SSH2: variants seen among roughly 807,000 people sequenced by gnomAD.
SSH2 encodes the protein protein phosphatase Slingshot homolog 2.
A neutral mutation model predicts 135.2 loss-of-function variants in SSH2; 37 were observed. The observed-to-expected ratio is 0.27, with a 90% CI of 0.21 to 0.36. The LOEUF is 0.36. SSH2 is among the 10% of genes least tolerant of loss of function. SSH2 has a pLI of 1.00. For missense variants in SSH2, 1,408 were observed against 1,765.3 expected (o/e 0.80, Z 3.63); for synonymous variants, 628 against 646.2 (o/e 0.97, Z 0.43).
chr17:29,902,157 A>G (rs1003028927), intron 1 of SSH2, among the ~76,000 whole-genome samples: 3 of 152,166 alleles, frequency 2.0e-5, no homozygotes, highest in Non-Finnish European at 2.9e-5. Context: ...ATGAATGTAC[A>G]CTACTTTCTG....
At position 29,683,773 on chromosome 17, in the gene SSH2, GAAA is replaced by G. The variant is rs762331303; in HGVS notation, c.479+787_479+789del. Among the ~76,000 whole-genome samples, 41 of 119,830 alleles carry G rather than the reference GAAA, an allele frequency of 3.4e-4. No homozygotes were observed. The South Asian group carries it at 0.011, about 32-fold the overall frequency. 78.6% of individuals were successfully genotyped at this position (119,830 alleles called of 152,430 possible). On this transcript the variant is annotated intron_variant, in intron 6 of 15. Coordinates refer to ENST00000540801, the MANE Select transcript of SSH2 (RefSeq NM_001282129.2). ...GAAATCTTCTCTCCAGAAAAATAAG[GAAA>G]AAAAAAAAAAAAAGACCAAATAGCT...
At chr17:29,923,158 C>G (rs2067005314) in intron 1 of SSH2, among the ~76,000 whole-genome samples, 1 of 152,182 alleles carries the variant, frequency 6.6e-6, no homozygotes, top group African/African-American at 2.4e-5. Context: ...GATCCGCCCA[C>G]CTTGGCCTCC....
chr17:29,782,198 T>A lies in SSH2; in HGVS notation c.188+11696A>T, dbSNP rs145393084. ...TGTTTCTACTTGAATAATGCCCCGT[T>A]GTTTCATATATCCAAAGTCAAACTC... On this transcript the variant is annotated intron_variant, in intron 3 of 15. Coordinates refer to ENST00000540801, the MANE Select transcript of SSH2 (RefSeq NM_001282129.2). Among the ~76,000 whole-genome samples, 149 of 152,286 alleles carry A rather than the reference T, an allele frequency of 9.8e-4. 2 individuals carry two copies. In the Middle Eastern group the frequency reaches 0.01, roughly 10 times the overall value.
At chr17:29,669,066 T>C (rs1007943722) in intron 9 of SSH2, among the ~76,000 whole-genome samples, 3 of 151,952 alleles carry the variant, frequency 2.0e-5, no homozygotes, top group Non-Finnish European at 4.4e-5. Flanking sequence ...CTAGCCAACA[T>C]GGTGAAACCC....
At chr17:29,662,341 T>C (rs1331492830) in intron 11 of SSH2, among the ~76,000 whole-genome samples, 1 of 152,208 alleles carries the variant, frequency 6.6e-6, no homozygotes, top group Admixed American at 6.5e-5. Flanking sequence ...CTGTGGGAGT[T>C]CTGCTAAGAT....
chr17:29,889,641 C>A (rs939482624), intron 1 of SSH2, among the ~76,000 whole-genome samples: 2 of 151,352 alleles, frequency 1.3e-5, no homozygotes, highest in East Asian at 3.9e-4. Flanking sequence ...AAAAGACAAC[C>A]CAGAGAATGG....
Position 29,930,138 on chromosome 17 carries a change from G to A in SSH2, c.-138C>T. 2.6e-6 allele frequency: 2 copies of A among 779,732 alleles called. No homozygotes were observed. Among genetic ancestry groups the A allele is most frequent in the South Asian group, 1.7e-5 (1 of 57,658 alleles). 48.3% of individuals were successfully genotyped at this position (779,732 alleles called of 1,614,324 possible). On this transcript the variant is annotated 5_prime_UTR_variant, in exon 1 of 16. Transcript: ENST00000540801. ...GGGAGGAGGAGGAGGCCGCGGGAAC[G>A]GCCGCAGACTCCGCACCCACCACCA...
rs187662512 is a variant in SSH2 at position 29,631,515 on chromosome 17, G to A, written c.3679C>T (p.Gln1227Ter). The change falls in exon 16 of 16, where the codon CAG (glutamine) becomes TAG (stop). Residue 1227 changes from glutamine to a stop codon, truncating the protein, a stop_gained. Coordinates refer to ENST00000540801, the MANE Select transcript of SSH2 (RefSeq NM_001282129.2). LOFTEE classifies it high-confidence loss of function. ...SKLGDNTGEL[Q>*]EKMDPLPVAC... Reference sequence around the variant, plus strand: ...ACAGGCAATGGGTCCATTTTCTCCTGTAACTCCCCAGTGTTGTCACCAAGT... The same window carrying A: ...ACAGGCAATGGGTCCATTTTCTCCTATAACTCCCCAGTGTTGTCACCAAGT... 6.2e-7 allele frequency: 1 copy of A among 1,614,166 alleles called. No homozygotes were observed. Among genetic ancestry groups the A allele is most frequent in the South Asian group, 1.1e-5 (1 of 91,076 alleles).
At chr17:29,772,108 G>GT (rs10718057) in intron 3 of SSH2, among the ~76,000 whole-genome samples, 3,380 of 149,964 alleles carry the variant, frequency 0.023, 66 homozygotes, top group Non-Finnish European at 0.035. Context: ...AAAAGATGTG[G>GT]TTTTTTTTTT....
chr17:29,877,081 CAAAA>C (rs2066047636), intron 1 of SSH2, among the ~76,000 whole-genome samples: 1 of 152,022 alleles, frequency 6.6e-6, no homozygotes, highest in South Asian at 2.1e-4. Context: ...AGACATTTCT[CAAAA>C]GAAGACATAC....
intron 3 of SSH2, among the ~76,000 whole-genome samples, chr17:29,778,033 G>GA (rs200810189): frequency 0.018 from 2,533 of 138,716 alleles, 65 homozygotes; most frequent in East Asian, 0.12. Context: ...TCCCCTACTA[G>GA]AAAAAAAAAA....
intron 1 of SSH2, among the ~76,000 whole-genome samples, chr17:29,850,297 T>A (rs905964412): frequency 3.3e-5 from 5 of 152,196 alleles, no homozygotes; most frequent in African/African-American, 1.2e-4. Flanking sequence ...GTTTGCTGTT[T>A]AGCTAACAGC....
intron 6 of SSH2, among the ~76,000 whole-genome samples, chr17:29,681,419 T>C (rs2037985458): frequency 6.6e-6 from 1 of 151,486 alleles, no homozygotes. Flanking sequence ...TTGGTATTTT[T>C]ATCCAGGTTA....
chr17:29,821,348 C>T (rs1019846156), intron 2 of SSH2, among the ~76,000 whole-genome samples: 5 of 152,138 alleles, frequency 3.3e-5, no homozygotes, highest in Admixed American at 3.3e-4. Context: ...GAGCTTTGAA[C>T]TCCTGGGCTC....
chr17:29,686,023 T>A (rs912520120), intron 5 of SSH2, among the ~76,000 whole-genome samples: 3 of 151,700 alleles, frequency 2.0e-5, no homozygotes, highest in African/African-American at 7.3e-5. Context: ...TAGTTTTGTA[T>A]TTTTATTAGA....
At chr17:29,683,159 T>C in intron 6 of SSH2, among the ~76,000 whole-genome samples, 1 of 152,132 alleles carries the variant, frequency 6.6e-6, no homozygotes, top group East Asian at 1.9e-4. Context: ...ACCCCATAGT[T>C]CCATTCTAAT....
At chr17:29,788,177 G>A (rs2042002258) in intron 3 of SSH2, among the ~76,000 whole-genome samples, 1 of 152,192 alleles carries the variant, frequency 6.6e-6, no homozygotes, top group East Asian at 1.9e-4. Flanking sequence ...AGGATGTCCA[G>A]TATTTGGTTA....
At chr17:29,862,991 T>C (rs2065790603) in intron 1 of SSH2, among the ~76,000 whole-genome samples, 1 of 152,150 alleles carries the variant, frequency 6.6e-6, no homozygotes, top group African/African-American at 2.4e-5. Flanking sequence ...CTATAGCCTG[T>C]GGGCCAAATG....
chr17:29,716,588 T>C (rs73987124), intron 3 of SSH2: 3 of 701,790 alleles, frequency 4.3e-6, no homozygotes, highest in South Asian at 1.3e-5. Context: ...ACCTTTCTTA[T>C]AGATTCGCAT....
Sources: allele counts gnomAD v4.1 joint callset (sites outside exome capture counted in the v4.1 genomes callset), GRCh38; gene constraint gnomAD v4.1.1; transcripts MANE v1.5; gene names NCBI Gene and HGNC (gene_info 2026-07-23, HGNC 2026-07-21).